Variants in COL22A1 observed in about 807,000 individuals in gnomAD.
COL22A1 encodes collagen alpha-1(XXII) chain.
In COL22A1, 221 loss-of-function variants were observed where a neutral mutation model predicts 248.9. That is an observed-to-expected ratio of 0.89 (90% CI 0.80 to 0.99). COL22A1 has a LOEUF of 0.99. COL22A1 is among the 50% of genes least tolerant of loss of function. The pLI, the probability that COL22A1 is intolerant of heterozygous loss-of-function variation, is 0.00. For synonymous variants in COL22A1, 891 were observed against 793.4 expected, an observed-to-expected ratio of 1.12 and a Z score of -2.07; for missense variants, 2,240 against 2,179.0, an observed-to-expected ratio of 1.03 and a Z score of -0.56.
intron 30 of COL22A1, among the ~76,000 whole-genome samples, chr8:138,707,852 G>C (rs1828603761): frequency 6.6e-6 from 1 of 152,168 alleles, no homozygotes; most frequent in African/African-American, 2.4e-5. Flanking sequence ...AATTGTCCCT[G>C]TTTGCAGATG....
chr8:138,836,811 G>A (rs2131837066), intron 4 of COL22A1, among the ~76,000 whole-genome samples: 1 of 152,344 alleles, frequency 6.6e-6, no homozygotes, highest in African/African-American at 2.4e-5. Context: ...TAATTTGAAT[G>A]TGCAATTGTA....
At chr8:138,737,474 A>T in intron 23 of COL22A1, 50 bp downstream of exon 23, 2 of 1,311,278 alleles carry the variant, frequency 1.5e-6, no homozygotes, top group Non-Finnish European at 1.1e-6. Context: ...TCATTTATTT[A>T]ATCAGAGAAA....
chr8:138,638,750 A>C (rs1821414646), intron 47 of COL22A1, among the ~76,000 whole-genome samples: 1 of 152,216 alleles, frequency 6.6e-6, no homozygotes, highest in South Asian at 2.1e-4. Context: ...TGTTGTAATC[A>C]ATGAAAAGAA....
chr8:138,612,128 T>C (rs746840305), intron 56 of COL22A1, among the ~76,000 whole-genome samples: 1 of 143,094 alleles, frequency 7.0e-6, no homozygotes, highest in Non-Finnish European at 1.5e-5. Context: ...AAAATGCTTC[T>C]AACAGTGGCT....
At position 138,832,692 on chromosome 8, in the gene COL22A1, T is replaced by C. The variant is rs1173860168; in HGVS notation, c.845+347A>G. Among the ~76,000 whole-genome samples, 5 of 152,262 alleles carry C rather than the reference T, an allele frequency of 3.3e-5. No individual in the cohort carries two copies. The East Asian group carries it at 7.7e-4, about 24-fold the overall frequency. On this transcript the variant is annotated intron_variant, in intron 5 of 64. Transcript: ENST00000303045. Reference sequence around the variant, plus strand: ...GAAGCCACGCCTGCCATGAATGCAGTGTCAGGTCCTTAGTAGGTGCTATGC... The same window carrying C: ...GAAGCCACGCCTGCCATGAATGCAGCGTCAGGTCCTTAGTAGGTGCTATGC...
chr8:138,903,505 C>A (rs551191516), intron 1 of COL22A1, among the ~76,000 whole-genome samples: 1 of 152,122 alleles, frequency 6.6e-6, no homozygotes, highest in Non-Finnish European at 1.5e-5. Flanking sequence ...GAGAGAAAAG[C>A]GGGCACCTCA....
chr8:138,855,687 C>T (rs1821956978), intron 3 of COL22A1, among the ~76,000 whole-genome samples: 1 of 152,198 alleles, frequency 6.6e-6, no homozygotes, highest in South Asian at 2.1e-4. Flanking sequence ...GCTCTCTGAG[C>T]AACGATTGTG....
chr8:138,700,988 C>CA (rs5895554), intron 31 of COL22A1, among the ~76,000 whole-genome samples: 33,304 of 54,756 alleles, frequency 0.61, 10,393 homozygotes, highest in East Asian at 0.71. Flanking sequence ...GACTCCGTCT[C>CA]AAAAAAAAAA....
chr8:138,625,820 T>G (rs1243417737), intron 51 of COL22A1, among the ~76,000 whole-genome samples: 1 of 152,214 alleles, frequency 6.6e-6, no homozygotes, highest in Non-Finnish European at 1.5e-5. Flanking sequence ...GGAAAATGTT[T>G]ACATTATCAC....
At position 138,811,813 on chromosome 8, in the gene COL22A1, G is replaced by A; in HGVS notation, c.1435C>T (p.Pro479Ser). 6.4e-7 allele frequency: 1 copy of A among 1,561,222 alleles called. No homozygotes were observed. The highest frequency in any genetic ancestry group is 8.7e-7 in the Non-Finnish European group (1 of 1,147,324). The change falls in exon 9 of 65, where the codon CCA (proline) becomes TCA (serine). Residue 479 changes from proline to serine, a missense_variant. Physicochemically the swap from Pro to Ser is moderately conservative, Grantham distance 74 (BLOSUM62 -1). Transcript: ENST00000303045. ...GFLKTINCSC[P>S]AGEKGEMGVA... ...GCAGACAATACCTTCTCTCCAGCTG[G>A]GCAGGAGCAGTTGATGGTCTTCAAA...
intron 27 of COL22A1, 86 bp from the exon 28 acceptor site, chr8:138,716,955 T>G: frequency 1.0e-6 from 1 of 990,798 alleles, no homozygotes; most frequent in Non-Finnish European, 1.6e-6. Flanking sequence ...CACACATTCA[T>G]AGCACCTGCC....
At chr8:138,707,822 A>G (rs2131028865) in intron 30 of COL22A1, among the ~76,000 whole-genome samples, 1 of 152,324 alleles carries the variant, frequency 6.6e-6, no homozygotes, top group South Asian at 2.1e-4. Flanking sequence ...AGGGTATTCA[A>G]TTAGGAAAAG....
chr8:138,789,350 G>T (rs943962344), intron 12 of COL22A1, among the ~76,000 whole-genome samples: 2 of 152,112 alleles, frequency 1.3e-5, no homozygotes, highest in Admixed American at 6.6e-5. Flanking sequence ...TTTAATTATC[G>T]TAAAAATAGA....
chr8:138,692,465 G>GTT (rs1295605915), intron 35 of COL22A1, among the ~76,000 whole-genome samples: 10 of 670 alleles, frequency 0.015, no homozygotes, highest in Non-Finnish European at 4.8e-3. Context: ...GTGAGTGCAT[G>GTT]TGTGTGTGTG....
Position 138,754,438 on chromosome 8 carries a change from G to A in COL22A1, c.2031+719C>T, listed in dbSNP as rs1020463661. On this transcript the variant is annotated intron_variant, in intron 21 of 64. Coordinates refer to ENST00000303045, the MANE Select transcript of COL22A1 (RefSeq NM_152888.3). The stretch of plus-strand genomic sequence containing the variant: ...AAACATATAAATATATCCTCATAAA[G>A]AGTGGGCCTCAATAGCTTAAAATAA... Among the ~76,000 whole-genome samples, 3 of 152,158 alleles carry A rather than the reference G, an allele frequency of 2.0e-5. No homozygotes were observed. The South Asian group carries it at 6.2e-4, about 31-fold the overall frequency.
intron 3 of COL22A1, among the ~76,000 whole-genome samples, chr8:138,860,733 A>G (rs1822393633): frequency 6.6e-6 from 1 of 152,100 alleles, no homozygotes; most frequent in Admixed American, 6.5e-5. Context: ...ACCTGAGCCC[A>G]GGAGGTCAAA....
In COL22A1 at chr8:138,676,548, A is replaced by G; in HGVS notation, c.3150+10T>C. 1 of 1,554,178 alleles carries G rather than the reference A, an allele frequency of 6.4e-7. No individual in the cohort carries two copies. Among genetic ancestry groups the G allele is most frequent in the Non-Finnish European group, 8.7e-7 (1 of 1,146,680 alleles). On this transcript the variant is annotated intron_variant, in intron 41 of 64. Transcript: ENST00000303045. Reference sequence around the variant, plus strand: ...GAAAGCAAGTAAGAGCTGGATAAATAAAGACTTACAGGAGGGCCAGCAACC... The same window carrying G: ...GAAAGCAAGTAAGAGCTGGATAAATGAAGACTTACAGGAGGGCCAGCAACC...
chr8:138,889,775 G>A (rs747487946), intron 1 of COL22A1, among the ~76,000 whole-genome samples: 4 of 152,138 alleles, frequency 2.6e-5, no homozygotes, highest in Non-Finnish European at 5.9e-5. Context: ...CAGTGAGGGC[G>A]GGAAATAAAA....
At chr8:138,860,924 C>T (rs777421789) in intron 3 of COL22A1, among the ~76,000 whole-genome samples, 7 of 152,172 alleles carry the variant, frequency 4.6e-5, no homozygotes, top group South Asian at 2.1e-4. Flanking sequence ...GTTTTCCATC[C>T]GTATGTTCTT....
Sources: allele counts gnomAD v4.1 joint callset (sites outside exome capture counted in the v4.1 genomes callset), GRCh38; gene constraint gnomAD v4.1.1; transcripts MANE v1.5; gene names NCBI Gene and HGNC (gene_info 2026-07-23, HGNC 2026-07-21).